PDCD1LG2: variants seen among roughly 807,000 people sequenced by gnomAD.
PDCD1LG2 encodes the protein programmed cell death 1 ligand 2, also known as B7 dendritic cell molecule.
PDCD1LG2 carries 32 observed loss-of-function variants against 28.2 expected under a neutral mutation model. The observed-to-expected ratio is 1.13, with a 90% CI of 0.86 to 1.52. The LOEUF (loss-of-function observed/expected upper bound fraction) is 1.52. PDCD1LG2 is among the 40% of genes most tolerant of loss of function. The probability of loss-of-function intolerance (pLI) is 0.00; values close to 1 mark genes in which losing one functional copy is unlikely to be tolerated. For missense variants in PDCD1LG2, 385 were observed against 323.8 expected (o/e 1.19, Z -1.45); for synonymous variants, 116 against 120.2 (o/e 0.97, Z 0.23).
intron 2 of PDCD1LG2, among the ~76,000 whole-genome samples, chr9:5,525,077 G>A (rs1480864690): frequency 6.6e-6 from 1 of 152,242 alleles, no homozygotes; most frequent in Non-Finnish European, 1.5e-5. Context: ...GCCAGGCGCA[G>A]TGGCTCACGC....
chr9:5,549,722 C>A (rs1202128304), intron 4 of PDCD1LG2, 118 bp downstream of exon 4: 2 of 1,260,364 alleles, frequency 1.6e-6, no homozygotes, highest in African/African-American at 3.0e-5. Flanking sequence ...GGTGTGATCA[C>A]CATTTGGAGA....
At chr9:5,559,895 C>A (rs898841511) in intron 5 of PDCD1LG2, among the ~76,000 whole-genome samples, 1 of 152,186 alleles carries the variant, frequency 6.6e-6, no homozygotes, top group East Asian at 1.9e-4. Context: ...TCTAACCACA[C>A]AGGATTTTCT....
At chr9:5,540,975 G>A (rs1036901416) in intron 3 of PDCD1LG2, among the ~76,000 whole-genome samples, 1 of 152,138 alleles carries the variant, frequency 6.6e-6, no homozygotes, top group Non-Finnish European at 1.5e-5. Flanking sequence ...CAAAATACTA[G>A]CTAACCAAAT....
At chr9:5,557,186 G>C (rs1816459431) in intron 4 of PDCD1LG2, among the ~76,000 whole-genome samples, 1 of 152,074 alleles carries the variant, frequency 6.6e-6, no homozygotes. Flanking sequence ...TGGGAAGAGA[G>C]AGAGGATGAG....
Position 5,563,175 on chromosome 9 carries a change from A to T in PDCD1LG2, c.780A>T (p.Arg260Ser), listed in dbSNP as rs1816599861. 6.2e-7 allele frequency: 1 copy of T among 1,612,256 alleles called. No homozygotes were observed. Among genetic ancestry groups the T allele is most frequent in the Non-Finnish European group, 8.5e-7 (1 of 1,178,464 alleles). ...KLYSSKDTTK[R>S]PVTTTKREVN... is the part of the protein sequence containing the mutation. ...TTTCCTTTTCAGACACAACAAAAAG[A>T]CCTGTCACCACAACAAAGAGGGAAG... The change falls in exon 6 of 7, where the codon AGA (arginine) becomes AGT (serine). Residue 260 changes from arginine to serine, a missense_variant. Arg to Ser is a moderately radical substitution (Grantham distance 110). Coordinates refer to ENST00000397747, the MANE Select transcript of PDCD1LG2 (RefSeq NM_025239.4).
chr9:5,566,840 A>C (rs1052423360), intron 6 of PDCD1LG2, among the ~76,000 whole-genome samples: 1 of 152,160 alleles, frequency 6.6e-6, no homozygotes, highest in Admixed American at 6.5e-5. Context: ...AAAATAGAAA[A>C]TTGCAAAATA....
intron 6 of PDCD1LG2, among the ~76,000 whole-genome samples, chr9:5,565,115 G>A (rs1816637526): frequency 6.6e-6 from 1 of 152,152 alleles, no homozygotes; most frequent in Non-Finnish European, 1.5e-5. Context: ...CCAATAAATT[G>A]ATTCAGCAAT....
chr9:5,522,490 C>A (rs989484800), intron 1 of PDCD1LG2, 43 bp from the exon 2 acceptor site: 1 of 1,488,348 alleles, frequency 6.7e-7, no homozygotes, highest in Non-Finnish European at 9.3e-7. Context: ...AAAGACCCAG[C>A]AAAGTTTCAC....
intron 4 of PDCD1LG2, among the ~76,000 whole-genome samples, chr9:5,550,470 T>C (rs1226728585): frequency 6.6e-6 from 1 of 152,182 alleles, no homozygotes; most frequent in Non-Finnish European, 1.5e-5. Context: ...CAACACAGAT[T>C]TATTATCTGA....
intron 3 of PDCD1LG2, 94 bp from the exon 4 acceptor site, chr9:5,549,241 G>C: frequency 8.6e-7 from 1 of 1,166,862 alleles, no homozygotes; most frequent in Non-Finnish European, 1.2e-6. Context: ...AATATTGATA[G>C]TGATAATTTT....
intron 5 of PDCD1LG2, 112 bp from the exon 6 acceptor site, chr9:5,563,050 C>T: frequency 2.2e-6 from 2 of 890,194 alleles, no homozygotes; most frequent in Non-Finnish European, 3.5e-6. Context: ...AACATTTGGG[C>T]TTCGCTATGT....
chr9:5,563,867 C>T (rs1253020245), intron 6 of PDCD1LG2, among the ~76,000 whole-genome samples: 1 of 152,152 alleles, frequency 6.6e-6, no homozygotes, highest in African/African-American at 2.4e-5. Context: ...GTTTTTTGCT[C>T]TTAAGGCCCT....
At chr9:5,568,858 G>A (rs1359143224) in intron 6 of PDCD1LG2, among the ~76,000 whole-genome samples, 1 of 152,152 alleles carries the variant, frequency 6.6e-6, no homozygotes, top group Non-Finnish European at 1.5e-5. Context: ...TCATATAAGA[G>A]GGACAAACAA....
rs1816732734 is a variant in PDCD1LG2 at position 5,569,599 on chromosome 9, G to T, written c.817-355G>T. On this transcript the variant is annotated intron_variant, in intron 6 of 6. Transcript: ENST00000397747. The surrounding 1 kb of genome is among the most constrained non-coding windows in gnomAD (Gnocchi z 4.1). ...TGGAGCATGAATAGAGTGCAGCAGGGTGAATAATGAGTCTGCAGGAATTAA... is the reference window on the plus strand; with the variant it reads ...TGGAGCATGAATAGAGTGCAGCAGGTTGAATAATGAGTCTGCAGGAATTAA... Among the ~76,000 whole-genome samples, 1 of 152,212 alleles carries T rather than the reference G, an allele frequency of 6.6e-6. No homozygotes were observed. The highest frequency in any genetic ancestry group is 1.5e-5 in the Non-Finnish European group (1 of 68,040).
At chr9:5,558,555 G>C (rs1334687508) in intron 5 of PDCD1LG2, among the ~76,000 whole-genome samples, 1 of 152,238 alleles carries the variant, frequency 6.6e-6, no homozygotes, top group African/African-American at 2.4e-5. Context: ...TCTATAGAAA[G>C]AGAAATGACA....
At chr9:5,546,013 T>A (rs1816198534) in intron 3 of PDCD1LG2, among the ~76,000 whole-genome samples, 1 of 152,158 alleles carries the variant, frequency 6.6e-6, no homozygotes, top group Admixed American at 6.5e-5. Flanking sequence ...TGGGAAGCGA[T>A]TCCTTTTCCA....
chr9:5,563,680 G>C (rs1177407071), intron 6 of PDCD1LG2, among the ~76,000 whole-genome samples: 3 of 152,146 alleles, frequency 2.0e-5, no homozygotes, highest in African/African-American at 7.2e-5. Flanking sequence ...AGAAGAAGTG[G>C]GTTACTAAAA....
chr9:5,545,848 A>G (rs1361585988), intron 3 of PDCD1LG2, among the ~76,000 whole-genome samples: 1 of 152,254 alleles, frequency 6.6e-6, no homozygotes. Context: ...TGGAACAATC[A>G]TCAAAGCAAT....
In PDCD1LG2 at chr9:5,558,347, G is replaced by A. The variant is rs193132874; in HGVS notation, c.766+595G>A. On this transcript the variant is annotated intron_variant, in intron 5 of 6. Coordinates refer to ENST00000397747, the MANE Select transcript of PDCD1LG2 (RefSeq NM_025239.4). ...CTTACCAACACACTCCTGTTCTGTT[G>A]TACCAGCTGGGACAGAGCATGCTGA... is the stretch of plus-strand genomic sequence containing the variant. Among the ~76,000 whole-genome samples, 26 of 152,310 alleles carry A rather than the reference G, an allele frequency of 1.7e-4. No homozygotes were observed. In the East Asian group the frequency reaches 3.9e-3, roughly 23 times the overall value.
Sources: allele counts gnomAD v4.1 joint callset (sites outside exome capture counted in the v4.1 genomes callset), GRCh38; gene constraint gnomAD v4.1.1; non-coding constraint Gnocchi (gnomAD v3.1); transcripts MANE v1.5; gene names NCBI Gene and HGNC (gene_info 2026-07-23, HGNC 2026-07-21).